Variants in SLC30A4 observed in about 807,000 individuals in gnomAD.
SLC30A4 encodes probable proton-coupled zinc antiporter SLC30A4.
In SLC30A4, 20 loss-of-function variants were observed where a neutral mutation model predicts 41.7. That is an observed-to-expected ratio of 0.48 (90% CI 0.34 to 0.70). The LOEUF (loss-of-function observed/expected upper bound fraction) is 0.70. Ranked by LOEUF, SLC30A4 falls within the 30% of genes least tolerant of loss-of-function variation. SLC30A4 has a pLI of 0.01. For synonymous variants in SLC30A4, 181 were observed against 195.9 expected (o/e 0.92, Z 0.64); for missense variants, 441 against 529.3 (o/e 0.83, Z 1.64).
chr15:45,488,860 G>A lies in SLC30A4; in HGVS notation c.875C>T (p.Ala292Val), dbSNP rs1891755450. 2 of 1,613,306 alleles carry A rather than the reference G, an allele frequency of 1.2e-6. No individual in the cohort carries two copies. Among genetic ancestry groups the A allele is most frequent in the Non-Finnish European group, 1.7e-6 (2 of 1,179,320 alleles). Residue 292 changes from alanine (A) to valine (V), a missense_variant, in exon 5 of 8, where the codon GCA becomes GTA. Transcript: ENST00000261867. ...TATTACCTTGAATCGTATGATGTATGCAGCTATTAGCACACCAACACTCTG... is the reference window on the plus strand; with the variant it reads ...TATTACCTTGAATCGTATGATGTATACAGCTATTAGCACACCAACACTCTG... ...LVQSVGVLIA[A>V]YIIRFKPEYK... is the part of the protein sequence containing the mutation.
intron 2 of SLC30A4, 114 bp from the exon 3 acceptor site, chr15:45,511,398 T>A: frequency 1.6e-6 from 1 of 644,442 alleles, no homozygotes; most frequent in Non-Finnish European, 2.5e-6. Context: ...TAAATCTTTA[T>A]CCCATTACAA....
Position 45,483,082 on chromosome 15 carries a change from C to T in SLC30A4, c.*2081G>A, listed in dbSNP as rs1024638006. 9 of 152,270 alleles carry T rather than the reference C, an allele frequency of 5.9e-5. No homozygotes were observed. Among genetic ancestry groups the T allele is most frequent in the Middle Eastern group, 6.8e-3 (2 of 294 alleles). The allele number at this position is 152,270 out of a possible 1,614,324, so 9.4% of individuals were successfully genotyped here. Reference sequence around the variant, plus strand: ...TACAGGCATGAGCCACTGTGTCTGGCCACATAAATTTTCAGTTCAATTCAA... The same window carrying T: ...TACAGGCATGAGCCACTGTGTCTGGTCACATAAATTTTCAGTTCAATTCAA... On this transcript the variant is annotated 3_prime_UTR_variant, in exon 8 of 8. Transcript: ENST00000261867.
intron 2 of SLC30A4, among the ~76,000 whole-genome samples, chr15:45,516,730 C>A (rs11070460): frequency 0.4 from 60,609 of 151,656 alleles, 12,819 homozygotes; most frequent in Non-Finnish European, 0.48. Flanking sequence ...AGTAGCTGGG[C>A]GTGATGGTGT....
rs893712316 is a variant in SLC30A4 at position 45,490,959 on chromosome 15, CTT to C, written c.539-80_539-79del. On this transcript the variant is annotated intron_variant, in intron 3 of 7. Transcript: ENST00000261867. The stretch of plus-strand genomic sequence containing the variant: ...TCATACCAACTAAATATTATATAGT[CTT>C]TTTTATATTCTTTCCTCTAAGGAGA... 52 of 920,778 alleles carry C rather than the reference CTT, an allele frequency of 5.6e-5. No homozygotes were observed. In the African/African-American group the frequency reaches 8.4e-4, roughly 15 times the overall value. 57.0% of individuals were successfully genotyped at this position (920,778 alleles called of 1,614,324 possible).
intron 2 of SLC30A4, among the ~76,000 whole-genome samples, chr15:45,512,016 C>A (rs943664699): frequency 5.3e-5 from 8 of 152,258 alleles, no homozygotes; most frequent in Non-Finnish European, 5.9e-5. Flanking sequence ...ACTGAGAAAA[C>A]CTACAAAATG....
Position 45,483,931 on chromosome 15 carries a change from T to A in SLC30A4, c.*1232A>T, listed in dbSNP as rs1009207421. On this transcript the variant is annotated 3_prime_UTR_variant, in exon 8 of 8. Coordinates refer to ENST00000261867, the MANE Select transcript of SLC30A4 (RefSeq NM_013309.6). ...GTCAAAAATCCTTTACATTTCTGTT[T>A]TCTCAAAGTAATATCTTCCCCCAAC... The A allele has an allele frequency of 1.3e-5, 2 of 152,208 alleles. No individual in the cohort carries two copies. Among genetic ancestry groups the A allele is most frequent in the Non-Finnish European group, 2.9e-5 (2 of 68,040 alleles). The allele number at this position is 152,208 out of a possible 1,614,324, so 9.4% of individuals were successfully genotyped here.
At chr15:45,510,369 A>G (rs777021565) in intron 3 of SLC30A4, among the ~76,000 whole-genome samples, 4 of 152,232 alleles carry the variant, frequency 2.6e-5, no homozygotes, top group African/African-American at 4.8e-5. Flanking sequence ...ATTGATTGAT[A>G]TATTAGCCAG....
At chr15:45,501,240 G>A (rs1376530858) in intron 3 of SLC30A4, among the ~76,000 whole-genome samples, 2 of 151,742 alleles carry the variant, frequency 1.3e-5, no homozygotes, top group African/African-American at 2.4e-5. Flanking sequence ...CCTGGGAGGC[G>A]GAGCTTGCAG....
chr15:45,518,886 C>A (rs1892579847), intron 2 of SLC30A4, among the ~76,000 whole-genome samples: 1 of 152,032 alleles, frequency 6.6e-6, no homozygotes, highest in Non-Finnish European at 1.5e-5. Context: ...TTACTCCATA[C>A]TTCCTACATA....
chr15:45,483,121 G>A lies in SLC30A4; in HGVS notation c.*2042C>T, dbSNP rs996328131. 6.6e-6 allele frequency: 1 copy of A among 152,010 alleles called. No homozygotes were observed. Among genetic ancestry groups the A allele is most frequent in the Admixed American group, 6.6e-5 (1 of 15,244 alleles). The allele number at this position is 152,010 out of a possible 1,614,324, so 9.4% of individuals were successfully genotyped here. On this transcript the variant is annotated 3_prime_UTR_variant, in exon 8 of 8. Coordinates refer to ENST00000261867, the MANE Select transcript of SLC30A4 (RefSeq NM_013309.6). The stretch of plus-strand genomic sequence containing the variant: ...AGTTCAATTCAACAAACATCTACTG[G>A]GTTTCATTAGAGGGACCATCAATCC...
At chr15:45,486,252 A>C (rs1051153577) in intron 7 of SLC30A4, among the ~76,000 whole-genome samples, 19 of 152,148 alleles carry the variant, frequency 1.2e-4, no homozygotes, top group Admixed American at 5.2e-4. Flanking sequence ...CAAACTCCTG[A>C]CCTCAGGTGA....
intron 7 of SLC30A4, among the ~76,000 whole-genome samples, chr15:45,485,560 T>G (rs2140809176): frequency 6.6e-6 from 1 of 152,340 alleles, no homozygotes; most frequent in Admixed American, 6.5e-5. Context: ...TACAAACCTG[T>G]CATTAAAATA....
At chr15:45,508,577 C>T (rs567855266) in intron 3 of SLC30A4, among the ~76,000 whole-genome samples, 1 of 152,236 alleles carries the variant, frequency 6.6e-6, no homozygotes, top group African/African-American at 2.4e-5. Flanking sequence ...CTCATATGTA[C>T]TTTACAACTT....
Position 45,489,167 on chromosome 15 carries a change from T to C in SLC30A4, c.693-125A>G, listed in dbSNP as rs1298947188. On this transcript the variant is annotated intron_variant, in intron 4 of 7. Transcript: ENST00000261867. Reference sequence around the variant, plus strand: ...TAATAAATTTGGAGCAACTATTATTTATCAGTACTGTTCTAGGTACTTGGG... The same window carrying C: ...TAATAAATTTGGAGCAACTATTATTCATCAGTACTGTTCTAGGTACTTGGG... 3 of 722,678 alleles carry C rather than the reference T, an allele frequency of 4.2e-6. No homozygotes were observed. In the African/African-American group the frequency reaches 5.4e-5, roughly 13 times the overall value. The allele number at this position is 722,678 out of a possible 1,614,324, so 44.8% of individuals were successfully genotyped here.
intron 3 of SLC30A4, among the ~76,000 whole-genome samples, chr15:45,492,238 A>C (rs1891825017): frequency 6.6e-6 from 1 of 151,122 alleles, no homozygotes; most frequent in African/African-American, 2.4e-5. Context: ...AAAACTCTGG[A>C]GACATCCTAA....
At chr15:45,508,321 A>T (rs1892203231) in intron 3 of SLC30A4, among the ~76,000 whole-genome samples, 2 of 152,180 alleles carry the variant, frequency 1.3e-5, no homozygotes, top group Admixed American at 6.5e-5. Flanking sequence ...TAGAAGAACT[A>T]TGTGGTGTTT....
intron 3 of SLC30A4, among the ~76,000 whole-genome samples, chr15:45,494,672 A>G (rs1331002045): frequency 2.6e-5 from 4 of 151,778 alleles, no homozygotes; most frequent in African/African-American, 9.7e-5. Context: ...CGGGTGGCAG[A>G]GCGAGACTCT....
chr15:45,492,826 T>C (rs1228562835), intron 3 of SLC30A4, among the ~76,000 whole-genome samples: 1 of 152,180 alleles, frequency 6.6e-6, no homozygotes, highest in Non-Finnish European at 1.5e-5. Context: ...AAAAACTAGT[T>C]ATCTTGGGTG....
rs146894383 is a variant in SLC30A4, at chr15:45,485,047, T to G, written c.*116A>C. ...CTGGGGCAACTGTTTGAGAGACTGA[T>G]GCTTGATACGGACACAGCTGTCAGG... On this transcript the variant is annotated 3_prime_UTR_variant, in exon 8 of 8. Transcript: ENST00000261867. The G allele has an allele frequency of 2.1e-4, 154 of 744,384 alleles. 1 individual carries two copies. Among genetic ancestry groups the G allele is most frequent in the African/African-American group, 1.5e-3 (83 of 55,820 alleles). 46.1% of individuals were successfully genotyped at this position (744,384 alleles called of 1,614,324 possible).
Sources: gnomAD v4.1 joint callset for allele counts (sites outside exome capture counted in the v4.1 genomes callset) on GRCh38, gnomAD v4.1.1 for gene constraint, MANE v1.5 for transcripts, NCBI Gene and HGNC (gene_info 2026-07-23, HGNC 2026-07-21) for gene names.